Variants in ASMTL observed in about 807,000 individuals in gnomAD.
ASMTL encodes the protein probable bifunctional dTTP/UTP pyrophosphatase/methyltransferase protein.
ASMTL carries 57 observed loss-of-function variants against 60.3 expected under a neutral mutation model. The observed-to-expected ratio is 0.95, with a 90% CI of 0.76 to 1.18. The LOEUF (loss-of-function observed/expected upper bound fraction) is 1.18, where lower values mean the gene tolerates loss of function less well. ASMTL is among the 50% of genes most tolerant of loss of function. The pLI, the probability that ASMTL is intolerant of heterozygous loss-of-function variation, is 0.00. For missense variants in ASMTL, 981 were observed against 852.6 expected (o/e 1.15, Z -1.88); for synonymous variants, 419 against 373.0 (o/e 1.12, Z -1.42).
intron 11 of ASMTL, among the ~76,000 whole-genome samples, chrX:1,415,214 T>TCCGGGCGTGAGCCTGGGCATGTGGC (rs1556655722): frequency 6.6e-6 from 1 of 151,808 alleles, no homozygotes; most frequent in African/African-American, 2.4e-5. Context: ...GGGCTGGGAT[T>TCCGGGCGTGAGCCTGGGCATGTGGC]CCAGGCGTCT....
At chrX:1,418,952 A>G (rs774568087) in intron 10 of ASMTL, 30 bp downstream of exon 10, 3 of 1,611,144 alleles carry the variant, frequency 1.9e-6, no homozygotes, top group African/African-American at 1.3e-5. Flanking sequence ...AAACGAAAGT[A>G]AGGAGAGCCC....
At chrX:1,407,064 GC>G (rs2089885083) in intron 12 of ASMTL, among the ~76,000 whole-genome samples, 10 of 149,672 alleles carry the variant, frequency 6.7e-5, no homozygotes, top group African/African-American at 2.5e-4. Flanking sequence ...ATGGATGGAT[GC>G]ATGCATGGAT....
At chrX:1,435,938 T>C (rs1754745386) in intron 3 of ASMTL, among the ~76,000 whole-genome samples, 180 bp from the exon 4 acceptor site, 2 of 152,062 alleles carry the variant, frequency 1.3e-5, no homozygotes, top group South Asian at 2.1e-4. Context: ...ACCTGCCTGG[T>C]TCCAGGATGT....
At chrX:1,439,722 G>T (rs1261515854) in intron 2 of ASMTL, among the ~76,000 whole-genome samples, 1 of 151,608 alleles carries the variant, frequency 6.6e-6, no homozygotes, top group Non-Finnish European at 1.5e-5. Flanking sequence ...TGTAATCTCA[G>T]CTACTCAGGA....
chrX:1,415,453 CAT>C (rs1569531911), intron 11 of ASMTL, among the ~76,000 whole-genome samples: 2 of 132,062 alleles, frequency 1.5e-5, no homozygotes, highest in Non-Finnish European at 3.1e-5. Flanking sequence ...TTTTATTTAT[CAT>C]TATTATTATC....
At chrX:1,411,468 G>A (rs1239477176) in intron 12 of ASMTL, among the ~76,000 whole-genome samples, 6 of 152,216 alleles carry the variant, frequency 3.9e-5, no homozygotes, top group Non-Finnish European at 5.9e-5. Context: ...GCCCTGGCCC[G>A]AACCCCTGGA....
At chrX:1,424,935 GATCA>G (rs1362423906) in intron 8 of ASMTL, among the ~76,000 whole-genome samples, 3 of 71,622 alleles carry the variant, frequency 4.2e-5, no homozygotes, top group South Asian at 1.1e-3. Flanking sequence ...TCCATCCATT[GATCA>G]ATCCATCTGT....
chrX:1,447,428 C>T (rs1377705432), intron 1 of ASMTL, among the ~76,000 whole-genome samples: 2 of 151,506 alleles, frequency 1.3e-5, no homozygotes, highest in African/African-American at 2.4e-5. Context: ...CTTGGATAAG[C>T]ACCACCATCT....
chrX:1,449,864 A>ATCT (rs1478260208), intron 1 of ASMTL, among the ~76,000 whole-genome samples: 2 of 110,536 alleles, frequency 1.8e-5, no homozygotes, highest in Non-Finnish European at 4.2e-5. Context: ...ACCAGTAACT[A>ATCT]CCCCCATCAC....
intron 11 of ASMTL, among the ~76,000 whole-genome samples, chrX:1,416,434 C>A (rs1485666037): frequency 2.3e-5 from 3 of 131,420 alleles, no homozygotes; most frequent in Non-Finnish European, 3.3e-5. Context: ...GGCACACGCA[C>A]ATAAACATAG....
intron 11 of ASMTL, chrX:1,413,659 C>T (rs1391715237): frequency 2.0e-5 from 3 of 152,194 alleles, no homozygotes; most frequent in Non-Finnish European, 2.9e-5. Flanking sequence ...GGGACCTTAT[C>T]TGGAAATAGG....
intron 10 of ASMTL, 160 bp from the exon 11 acceptor site, chrX:1,418,276 A>G (rs1206902109): frequency 6.1e-5 from 19 of 312,154 alleles, no homozygotes; most frequent in Admixed American, 1.3e-4. Flanking sequence ...TATCCCAGAC[A>G]AGACTGTACA....
intron 12 of ASMTL, among the ~76,000 whole-genome samples, chrX:1,407,886 G>C (rs2089925570): frequency 6.6e-6 from 1 of 150,826 alleles, no homozygotes; most frequent in South Asian, 2.1e-4. Flanking sequence ...GGAGGAGACA[G>C]AGAGGAAGAG....
At chrX:1,414,759 G>A (rs1245929640) in intron 11 of ASMTL, among the ~76,000 whole-genome samples, 1 of 152,058 alleles carries the variant, frequency 6.6e-6, no homozygotes. Context: ...CAAATCAGAA[G>A]CACAGCTATC....
intron 1 of ASMTL, among the ~76,000 whole-genome samples, chrX:1,448,193 T>C (rs1159885529): frequency 8.1e-5 from 11 of 136,384 alleles, no homozygotes; most frequent in African/African-American, 3.0e-4. Context: ...CCATCTTGGA[T>C]AAGCACCACC....
At chrX:1,433,528 A>T (rs2090872128) in intron 5 of ASMTL, among the ~76,000 whole-genome samples, 1 of 147,468 alleles carries the variant, frequency 6.8e-6, no homozygotes, top group South Asian at 2.1e-4. Flanking sequence ...AAAAAATAGA[A>T]AAAATTAGCC....
In ASMTL at chrX:1,438,934, G is replaced by A. The variant is rs750311739; in HGVS notation, c.273+163C>T. The A allele has an allele frequency of 1.3e-4, 36 of 278,690 alleles. 1 individual carries two copies. The South Asian group carries it at 4.2e-3, about 32-fold the overall frequency. 17.3% of individuals were successfully genotyped at this position (278,690 alleles called of 1,614,324 possible). A position where few individuals can be genotyped will look rare whatever the true frequency, so the allele number is the denominator to read the frequency against. Reference sequence around the variant, plus strand: ...GAGCCACGGCGCCTGGCCCCTTCCCGTGCCCTTAGGCCCCTCATCTGCTGG... The same window carrying A: ...GAGCCACGGCGCCTGGCCCCTTCCCATGCCCTTAGGCCCCTCATCTGCTGG... On this transcript the variant is annotated intron_variant, in intron 3 of 12. Coordinates refer to ENST00000381317, the MANE Select transcript of ASMTL (RefSeq NM_004192.4).
At chrX:1,434,684 A>G (rs1488604134) in intron 5 of ASMTL, among the ~76,000 whole-genome samples, 7 of 150,888 alleles carry the variant, frequency 4.6e-5, no homozygotes, top group African/African-American at 1.7e-4. Context: ...GGCACCTGTA[A>G]TCCCAGCTAC....
intron 1 of ASMTL, among the ~76,000 whole-genome samples, chrX:1,443,577 G>A: frequency 6.6e-6 from 1 of 150,604 alleles, no homozygotes; most frequent in Non-Finnish European, 1.5e-5. Flanking sequence ...CCGCCATCAT[G>A]GACACACACC....
Sources: allele counts gnomAD v4.1 joint callset (sites outside exome capture counted in the v4.1 genomes callset), GRCh38; gene constraint gnomAD v4.1.1; transcripts MANE v1.5; gene names NCBI Gene and HGNC (gene_info 2026-07-23, HGNC 2026-07-21).